Variants in DAB1 observed in about 807,000 individuals in gnomAD.
DAB1 encodes the protein disabled homolog 1.
Under a neutral mutation model 64.6 loss-of-function variants are expected in DAB1, and 15 were observed. The observed-to-expected ratio is 0.23, with a 90% CI of 0.16 to 0.36. The LOEUF (loss-of-function observed/expected upper bound fraction) is 0.36. Ranked by LOEUF, DAB1 falls within the 10% of genes least tolerant of loss-of-function variation. The probability of loss-of-function intolerance (pLI) is 1.00; values close to 1 mark genes in which losing one functional copy is unlikely to be tolerated. For missense variants in DAB1, 596 were observed against 706.7 expected (o/e 0.84, Z 1.78); for synonymous variants, 235 against 251.9 (o/e 0.93, Z 0.64).
intron 7 of DAB1, among the ~76,000 whole-genome samples, chr1:57,635,865 G>A (rs1416717608): frequency 6.6e-6 from 1 of 151,986 alleles, no homozygotes; most frequent in African/African-American, 2.4e-5. Flanking sequence ...GGAGGCCAAG[G>A]CGGGCAGATC....
chr1:57,997,279 T>G (rs1646440031), intron 5 of DAB1, among the ~76,000 whole-genome samples: 1 of 152,180 alleles, frequency 6.6e-6, no homozygotes, highest in African/African-American at 2.4e-5. Context: ...AGTAAAACAC[T>G]GTGCATGCAG....
At chr1:58,030,991 C>T (rs1050092164) in intron 5 of DAB1, among the ~76,000 whole-genome samples, 6 of 152,176 alleles carry the variant, frequency 3.9e-5, no homozygotes, top group African/African-American at 1.4e-4. Context: ...GGAAGAACTT[C>T]TCCAGGTACG....
chr1:56,998,379 C>T (rs1257563417), intron 14 of DAB1, among the ~76,000 whole-genome samples: 1 of 152,154 alleles, frequency 6.6e-6, no homozygotes. Context: ...AGGGAAGTAG[C>T]ATGGTATAGT....
At chr1:57,377,835 G>A (rs1183247796) in intron 1 of DAB1, among the ~76,000 whole-genome samples, 1 of 152,130 alleles carries the variant, frequency 6.6e-6, no homozygotes, top group African/African-American at 2.4e-5. Context: ...TAGTAACCCT[G>A]GGGGAGCTGT....
At chr1:57,574,767 G>C (rs1191472557) in intron 7 of DAB1, among the ~76,000 whole-genome samples, 25 of 152,114 alleles carry the variant, frequency 1.6e-4, no homozygotes, top group Non-Finnish European at 1.9e-4. Context: ...CTTCCTATTG[G>C]GTAGTGCCCA....
intron 6 of DAB1, among the ~76,000 whole-genome samples, chr1:57,712,342 G>A (rs1254787182): frequency 6.6e-6 from 1 of 152,088 alleles, no homozygotes; most frequent in African/African-American, 2.4e-5. Context: ...CGATGCTTTG[G>A]ACTTTACTGG....
intron 1 of DAB1, among the ~76,000 whole-genome samples, chr1:57,325,097 T>C (rs1014915392): frequency 1.3e-5 from 2 of 152,256 alleles, no homozygotes; most frequent in African/African-American, 4.8e-5. Context: ...TTTTTGCTTT[T>C]ACTTTGCAAT....
intron 6 of DAB1, among the ~76,000 whole-genome samples, chr1:57,766,837 A>G (rs1323826): frequency 0.14 from 21,289 of 152,106 alleles, 1,599 homozygotes; most frequent in East Asian, 0.3. Context: ...CTTGGATACA[A>G]ATCAAGAGTT....
At chr1:58,172,674 A>G (rs1432475883) in intron 4 of DAB1, among the ~76,000 whole-genome samples, 1 of 152,176 alleles carries the variant, frequency 6.6e-6, no homozygotes, top group African/African-American at 2.4e-5. Context: ...CTTAACCTAT[A>G]TACCTATGGA....
chr1:58,083,602 C>T (rs777794666), intron 5 of DAB1, among the ~76,000 whole-genome samples: 4 of 152,176 alleles, frequency 2.6e-5, no homozygotes, highest in South Asian at 4.1e-4. Flanking sequence ...CATTTAATTG[C>T]GCACTTAACA....
chr1:57,434,536 T>C (rs936643916), intron 7 of DAB1, among the ~76,000 whole-genome samples: 13 of 152,258 alleles, frequency 8.5e-5, no homozygotes, highest in African/African-American at 2.9e-4. Flanking sequence ...GGAATAAACA[T>C]ATCTTTAATG....
chr1:57,847,538 A>G (rs1653345880), intron 1 of DAB1, among the ~76,000 whole-genome samples: 1 of 152,116 alleles, frequency 6.6e-6, no homozygotes, highest in African/African-American at 2.4e-5. Flanking sequence ...TGAGAGAGAA[A>G]AGGGGAATTG....
At position 57,891,215 on chromosome 1, in the gene DAB1, C is replaced by A. The variant is rs60759371; in HGVS notation, n.388-7053G>T. Among the ~76,000 whole-genome samples the A allele has an allele frequency of 6.1e-3, 931 of 152,282 alleles. 12 individuals carry two copies. Among genetic ancestry groups the A allele is most frequent in the African/African-American group, 0.021 (888 of 41,550 alleles). On this transcript the variant is annotated intron_variant and non_coding_transcript_variant, in intron 5 of 20. Transcript: ENST00000485760. ...AGTGGGTGAAGGATATGAACAGACA[C>A]TTCTCAAAAGAAGACATTTATGCGG...
intron 9 of DAB1, among the ~76,000 whole-genome samples, chr1:57,041,946 T>G (rs533252217): frequency 2.0e-5 from 3 of 152,226 alleles, no homozygotes; most frequent in Non-Finnish European, 4.4e-5. Flanking sequence ...TGGGATGATG[T>G]AGCAACTTCC....
At chr1:57,888,399 C>G (rs1644257798), upstream of DAB1, among the ~76,000 whole-genome samples, 1 of 152,128 alleles carries the variant, frequency 6.6e-6, no homozygotes, top group Admixed American at 6.5e-5. Flanking sequence ...TTCCACTGTT[C>G]TATATTGTAT....
intron 6 of DAB1, among the ~76,000 whole-genome samples, chr1:57,788,219 A>C (rs1482438216): frequency 1.3e-5 from 2 of 152,350 alleles, no homozygotes; most frequent in South Asian, 2.1e-4. Flanking sequence ...CATAAATAAC[A>C]TTAATATTTA....
chr1:58,453,042 A>G (rs1421044320), intron 3 of DAB1, among the ~76,000 whole-genome samples: 1 of 152,246 alleles, frequency 6.6e-6, no homozygotes. Flanking sequence ...CAGTTTATCC[A>G]TACGATGGGA....
intron 4 of DAB1, among the ~76,000 whole-genome samples, chr1:58,249,308 T>C (rs1054560286): frequency 2.7e-5 from 4 of 150,682 alleles, no homozygotes; most frequent in Non-Finnish European, 5.9e-5. Context: ...TCGGAACAGC[T>C]CCCCCCGCCC....
intron 1 of DAB1, among the ~76,000 whole-genome samples, chr1:57,302,013 CA>C (rs1673703438): frequency 1.3e-5 from 2 of 152,128 alleles, no homozygotes; most frequent in Non-Finnish European, 2.9e-5. Flanking sequence ...ATATTTTTAC[CA>C]CCTTCCTTTT....
Sources: gnomAD v4.1 joint callset for allele counts (sites outside exome capture counted in the v4.1 genomes callset) on GRCh38, gnomAD v4.1.1 for gene constraint, MANE v1.5 for transcripts, NCBI Gene and HGNC (gene_info 2026-07-23, HGNC 2026-07-21) for gene names.